KIAA0825: variants seen among roughly 807,000 people sequenced by gnomAD.
KIAA0825 encodes the protein uncharacterized protein KIAA0825.
A neutral mutation model predicts 147.6 loss-of-function variants in KIAA0825; 119 were observed. That is an observed-to-expected ratio of 0.81 (90% CI 0.69 to 0.94). KIAA0825 has a LOEUF of 0.94. Ranked by LOEUF, KIAA0825 falls within the 40% of genes least tolerant of loss-of-function variation. The pLI, the probability that KIAA0825 is intolerant of heterozygous loss-of-function variation, is 0.00. For synonymous variants in KIAA0825, 470 were observed against 518.1 expected (o/e 0.91, Z 1.26); for missense variants, 1,381 against 1,472.7 (o/e 0.94, Z 1.02).
chr5:94,464,115 TA>T (rs1216309816), intron 11 of KIAA0825, among the ~76,000 whole-genome samples: 1 of 146,668 alleles, frequency 6.8e-6, no homozygotes, highest in African/African-American at 2.5e-5. Context: ...AGGTTCCTCC[TA>T]AAATATATCT....
intron 20 of KIAA0825, among the ~76,000 whole-genome samples, chr5:94,160,526 A>G (rs1241482706): frequency 1.3e-5 from 2 of 148,706 alleles, no homozygotes; most frequent in African/African-American, 4.9e-5. Context: ...GCATCAGTAT[A>G]TATAATATAC....
chr5:94,473,367 G>A lies in KIAA0825; in HGVS notation c.1380C>T (p.Asn460=). 6.4e-7 allele frequency: 1 copy of A among 1,551,916 alleles called. No individual in the cohort carries two copies. Among genetic ancestry groups the A allele is most frequent in the South Asian group, 1.2e-5 (1 of 84,062 alleles). ...GCCAAACTTGCTGGACATTTACAAG[G>A]TTCATAGCATAGCTCACAGCTGAAG... The part of the protein sequence containing the change: ...ERSSAVSYAM[N]LVNVQQVWQD... Residue 460 remains asparagine, a synonymous_variant, in exon 8 of 21, where the codon AAC becomes AAT. Coordinates refer to ENST00000682413, the MANE Select transcript of KIAA0825 (RefSeq NM_001145678.3).
At chr5:94,612,508 T>C (rs1311778077) in intron 1 of KIAA0825, among the ~76,000 whole-genome samples, 2 of 152,262 alleles carry the variant, frequency 1.3e-5, no homozygotes, top group South Asian at 4.1e-4. Flanking sequence ...AAGGCATTTC[T>C]TTCCTACTCT....
At chr5:94,553,689 C>G (rs1241923033) in intron 2 of KIAA0825, among the ~76,000 whole-genome samples, 1 of 151,338 alleles carries the variant, frequency 6.6e-6, no homozygotes, top group Admixed American at 6.6e-5. Flanking sequence ...TTGCTTGAAC[C>G]TGGGAGGCGG....
At chr5:94,459,497 A>C (rs1417738890) in intron 12 of KIAA0825, among the ~76,000 whole-genome samples, 2 of 152,200 alleles carry the variant, frequency 1.3e-5, no homozygotes, top group African/African-American at 4.8e-5. Flanking sequence ...ACAGTGAAAT[A>C]GTTTCTTTTT....
intron 20 of KIAA0825, among the ~76,000 whole-genome samples, chr5:94,207,393 C>G (rs1176846560): frequency 6.6e-6 from 1 of 152,134 alleles, no homozygotes; most frequent in African/African-American, 2.4e-5. Context: ...TTCCCAGCAG[C>G]CCTGTCCTGG....
intron 3 of KIAA0825, among the ~76,000 whole-genome samples, chr5:94,531,376 A>G (rs1282541482): frequency 2.0e-5 from 3 of 152,222 alleles, no homozygotes; most frequent in Non-Finnish European, 4.4e-5. Flanking sequence ...TCAACAGGCC[A>G]CCATGAGAGA....
chr5:94,453,659 C>A (rs887465408), intron 12 of KIAA0825, among the ~76,000 whole-genome samples: 5 of 152,022 alleles, frequency 3.3e-5, no homozygotes, highest in Admixed American at 1.3e-4. Flanking sequence ...ATAAAACAAT[C>A]TTTACACTTG....
intron 1 of KIAA0825, among the ~76,000 whole-genome samples, chr5:94,615,313 C>T (rs1790139074): frequency 6.6e-6 from 1 of 152,096 alleles, no homozygotes; most frequent in African/African-American, 2.4e-5. Flanking sequence ...CATCAAACTC[C>T]TATATGTTAT....
At chr5:94,388,681 A>T (rs1245965673) in intron 18 of KIAA0825, among the ~76,000 whole-genome samples, 2 of 152,230 alleles carry the variant, frequency 1.3e-5, no homozygotes, top group East Asian at 3.9e-4. Flanking sequence ...AATTGTGAAG[A>T]AAATGGAATG....
At chr5:94,540,373 G>T (rs913036151) in intron 2 of KIAA0825, among the ~76,000 whole-genome samples, 1 of 152,172 alleles carries the variant, frequency 6.6e-6, no homozygotes, top group Non-Finnish European at 1.5e-5. Context: ...TACAAACTTT[G>T]CTGCAAGTCC....
intron 12 of KIAA0825, among the ~76,000 whole-genome samples, chr5:94,462,073 A>T (rs1433214902): frequency 6.6e-6 from 1 of 151,958 alleles, no homozygotes; most frequent in Non-Finnish European, 1.5e-5. Flanking sequence ...TAACCAGGCC[A>T]TCAATATAAT....
At chr5:94,357,064 T>C (rs1008099429) in intron 20 of KIAA0825, among the ~76,000 whole-genome samples, 1 of 152,136 alleles carries the variant, frequency 6.6e-6, no homozygotes, top group Non-Finnish European at 1.5e-5. Flanking sequence ...ACAACAATGT[T>C]GAATCCTTAG....
At chr5:94,225,649 T>A (rs1774097836) in intron 20 of KIAA0825, among the ~76,000 whole-genome samples, 2 of 152,184 alleles carry the variant, frequency 1.3e-5, no homozygotes, top group African/African-American at 4.8e-5. Context: ...AAGTTGGCTC[T>A]TAGCAGGCAC....
chr5:94,365,225 T>C (rs757134185), intron 20 of KIAA0825, among the ~76,000 whole-genome samples: 5 of 152,162 alleles, frequency 3.3e-5, no homozygotes, highest in Non-Finnish European at 7.4e-5. Flanking sequence ...GAAAGAGCTA[T>C]TCTCCTTTCT....
intron 1 of KIAA0825, among the ~76,000 whole-genome samples, chr5:94,592,533 C>T (rs1175683941): frequency 6.6e-6 from 1 of 152,136 alleles, no homozygotes; most frequent in African/African-American, 2.4e-5. Flanking sequence ...CAGTTGCATT[C>T]CATGTTGGGA....
At chr5:94,617,440 T>C (rs1790828058) in intron 1 of KIAA0825, among the ~76,000 whole-genome samples, 1 of 152,192 alleles carries the variant, frequency 6.6e-6, no homozygotes, top group Admixed American at 6.5e-5. Context: ...GGCCTGGTGT[T>C]AACAGGGGCC....
intron 20 of KIAA0825, among the ~76,000 whole-genome samples, chr5:94,327,256 A>G (rs1780790632): frequency 6.6e-6 from 1 of 152,082 alleles, no homozygotes; most frequent in African/African-American, 2.4e-5. Context: ...TCCTTTTTAA[A>G]TTATTAATCC....
chr5:94,534,839 TA>T (rs914342684), intron 3 of KIAA0825, among the ~76,000 whole-genome samples: 3 of 152,174 alleles, frequency 2.0e-5, no homozygotes, highest in African/African-American at 7.2e-5. Flanking sequence ...TTTACCTTTT[TA>T]AAAATATTTC....
Sources: allele counts gnomAD v4.1 joint callset (sites outside exome capture counted in the v4.1 genomes callset), GRCh38; gene constraint gnomAD v4.1.1; transcripts MANE v1.5; gene names NCBI Gene and HGNC (gene_info 2026-07-23, HGNC 2026-07-21).